The following CDH13 variants were observed in gnomAD, a reference collection of about 807,000 sequenced individuals.
CDH13 encodes the protein cadherin 13.
In CDH13, 24 loss-of-function variants were observed where a neutral mutation model predicts 63.8. The observed-to-expected ratio is 0.38, with a 90% CI of 0.27 to 0.53. The LOEUF (loss-of-function observed/expected upper bound fraction) is 0.53. CDH13 is among the 20% of genes least tolerant of loss of function. CDH13 has a pLI of 0.85. For synonymous variants in CDH13, 503 were observed against 355.3 expected, an observed-to-expected ratio of 1.42 and a Z score of -4.67; for missense variants, 1,049 against 903.1, an observed-to-expected ratio of 1.16 and a Z score of -2.07.
chr16:83,374,668 G>A (rs569316527), intron 6 of CDH13, among the ~76,000 whole-genome samples: 6 of 152,186 alleles, frequency 3.9e-5, no homozygotes, highest in Admixed American at 6.5e-5. Context: ...AGTACCTTGC[G>A]CTGTGTGTTC....
chr16:82,677,706 C>G (rs191071090), intron 1 of CDH13, among the ~76,000 whole-genome samples: 1 of 152,258 alleles, frequency 6.6e-6, no homozygotes, highest in Admixed American at 6.5e-5. Flanking sequence ...ATAGCACTGA[C>G]AGATATTTTT....
At chr16:83,176,211 C>A (rs1222208714) in intron 4 of CDH13, among the ~76,000 whole-genome samples, 2 of 148,742 alleles carry the variant, frequency 1.3e-5, no homozygotes, top group Admixed American at 6.7e-5. Context: ...ACTTGTAAAA[C>A]GTTGTACTTA....
At chr16:83,414,156 C>T (rs1206445903) in intron 6 of CDH13, among the ~76,000 whole-genome samples, 9 of 152,188 alleles carry the variant, frequency 5.9e-5, no homozygotes, top group Non-Finnish European at 1.3e-4. Flanking sequence ...CTCATTCCTA[C>T]ATCCAATAGC....
At chr16:83,171,737 G>A (rs2037927255) in intron 4 of CDH13, among the ~76,000 whole-genome samples, 1 of 152,092 alleles carries the variant, frequency 6.6e-6, no homozygotes, top group South Asian at 2.1e-4. Flanking sequence ...TCTGAGGCAT[G>A]GAGTCCCAAG....
intron 6 of CDH13, among the ~76,000 whole-genome samples, chr16:83,374,025 T>C (rs9939358): frequency 0.42 from 63,527 of 152,042 alleles, 13,695 homozygotes; most frequent in Middle Eastern, 0.49. Flanking sequence ...GGCCAGCCTC[T>C]AAGGACAGAG....
chr16:83,443,738 A>ATATATATATATATATATATATATATAT lies in CDH13; in HGVS notation c.782-42714_782-42713insATTATATATATATATATATATATATAT, dbSNP rs2072568526. Among the ~76,000 whole-genome samples, 5 of 14,292 alleles carry ATATATATATATATATATATATATATAT rather than the reference A, an allele frequency of 3.5e-4. No homozygotes were observed. The South Asian group carries it at 0.013, about 36-fold the overall frequency. The allele number at this position is 14,292 out of a possible 152,430, so 9.4% of individuals were successfully genotyped here. On this transcript the variant is annotated intron_variant, in intron 6 of 13. Transcript: ENST00000567109. ...AAAAAAAAAAAAAAAAAAAAAAAAT[A>ATATATATATATATATATATATATATAT]TATATATATATATATATATATATAT...
chr16:83,573,204 G>A (rs890638612), intron 7 of CDH13, among the ~76,000 whole-genome samples: 2 of 152,232 alleles, frequency 1.3e-5, no homozygotes, highest in Admixed American at 1.3e-4. Context: ...GGGAGGTAGG[G>A]AGGAAGGTTG....
intron 7 of CDH13, among the ~76,000 whole-genome samples, chr16:83,530,534 A>G (rs1484426761): frequency 6.6e-6 from 1 of 152,170 alleles, no homozygotes; most frequent in African/African-American, 2.4e-5. Context: ...TTGATGAGCA[A>G]TTGTTAGGAT....
intron 6 of CDH13, among the ~76,000 whole-genome samples, chr16:83,438,491 C>G (rs1159091628): frequency 2.0e-5 from 3 of 152,214 alleles, no homozygotes; most frequent in Non-Finnish European, 2.9e-5. Flanking sequence ...TCATAACATT[C>G]TAAGTCGAGG....
intron 4 of CDH13, among the ~76,000 whole-genome samples, chr16:83,161,082 A>G (rs557506194): frequency 1.3e-5 from 2 of 152,198 alleles, no homozygotes; most frequent in Non-Finnish European, 2.9e-5. Context: ...TACGTCATAC[A>G]TGAAAGAGAT....
chr16:83,756,662 C>A (rs1291383171), intron 11 of CDH13, among the ~76,000 whole-genome samples: 2 of 152,132 alleles, frequency 1.3e-5, no homozygotes, highest in South Asian at 2.1e-4. Flanking sequence ...AGATTGGACA[C>A]CCCTGTTTAA....
chr16:82,690,889 C>G (rs1308701152), intron 1 of CDH13, among the ~76,000 whole-genome samples: 1 of 152,100 alleles, frequency 6.6e-6, no homozygotes, highest in East Asian at 1.9e-4. Context: ...AGAAGCAGAG[C>G]CAGGGATGAG....
chr16:82,883,763 G>T (rs1432223607), intron 2 of CDH13, among the ~76,000 whole-genome samples: 1 of 152,176 alleles, frequency 6.6e-6, no homozygotes, highest in Admixed American at 6.5e-5. Flanking sequence ...GAGCAACAGG[G>T]AGGCATTTCA....
At chr16:83,341,947 A>G (rs977947700) in intron 5 of CDH13, among the ~76,000 whole-genome samples, 3 of 150,900 alleles carry the variant, frequency 2.0e-5, no homozygotes, top group South Asian at 2.1e-4. Context: ...TCCCTCAGCA[A>G]TAAGGTTTTC....
At chr16:82,817,209 T>C (rs2037762521) in intron 1 of CDH13, among the ~76,000 whole-genome samples, 1 of 152,116 alleles carries the variant, frequency 6.6e-6, no homozygotes, top group African/African-American at 2.4e-5. Context: ...TCTGACCATG[T>C]CTCTGGACTT....
chr16:83,106,121 C>A (rs1037177763), intron 3 of CDH13, among the ~76,000 whole-genome samples: 5 of 152,214 alleles, frequency 3.3e-5, no homozygotes, highest in African/African-American at 1.2e-4. Flanking sequence ...TCCAGTAACA[C>A]CTCTTTTGCT....
In CDH13 at chr16:82,937,000, C is replaced by A. The variant is rs555280479; in HGVS notation, c.157+78527C>A. Among the ~76,000 whole-genome samples the A allele has an allele frequency of 9.5e-4, 145 of 152,250 alleles. 1 individual carries two copies. Among genetic ancestry groups the A allele is most frequent in the African/African-American group, 3.1e-3 (128 of 41,560 alleles). ...TGACCTCAGCACGACATCAGCACAA[C>A]CAAAACAAACCACAGGCTGGTGTTT... On this transcript the variant is annotated intron_variant, in intron 2 of 13. Transcript: ENST00000567109.
At chr16:83,115,707 A>C (rs1294690314) in intron 3 of CDH13, among the ~76,000 whole-genome samples, 1 of 152,252 alleles carries the variant, frequency 6.6e-6, no homozygotes, top group African/African-American at 2.4e-5. Context: ...AGCTTCTGCA[A>C]TGCTTTGCCT....
At chr16:82,854,851 T>C (rs1210883388) in intron 1 of CDH13, among the ~76,000 whole-genome samples, 10 of 152,210 alleles carry the variant, frequency 6.6e-5, no homozygotes, top group Admixed American at 3.9e-4. Flanking sequence ...CTTTTCTTTT[T>C]GAGACCATAA....
Sources: gnomAD v4.1 joint callset for allele counts (sites outside exome capture counted in the v4.1 genomes callset) on GRCh38, gnomAD v4.1.1 for gene constraint, MANE v1.5 for transcripts, NCBI Gene and HGNC (gene_info 2026-07-23, HGNC 2026-07-21) for gene names.